The following PTK6 variants were observed in gnomAD, a reference collection of about 807,000 sequenced individuals.
The protein encoded by PTK6 is protein tyrosine kinase 6.
A neutral mutation model predicts 47.5 loss-of-function variants in PTK6; 47 were observed. The observed-to-expected ratio is 0.99, with a 90% confidence interval of 0.78 to 1.26. The LOEUF (loss-of-function observed/expected upper bound fraction) is 1.26. Ranked by LOEUF, PTK6 falls within the 50% of genes most tolerant of loss-of-function variation. The pLI is 0.00. For missense variants in PTK6, 618 were observed against 625.3 expected, an observed-to-expected ratio of 0.99 and a Z score of 0.12; for synonymous variants, 287 against 276.5, an observed-to-expected ratio of 1.04 and a Z score of -0.38.
chr20:63,530,598 G>T lies in PTK6; in HGVS notation c.1014+148C>A. 1.9e-6 allele frequency: 2 copies of T among 1,028,470 alleles called. No individual in the cohort carries two copies. The highest frequency in any genetic ancestry group is 3.1e-4 in the Middle Eastern group (1 of 3,244). The allele number at this position is 1,028,470 out of a possible 1,614,324, so 63.7% of individuals were successfully genotyped here. ...TGGGGGCCCCACCGGACTCACGGTG[G>T]CTTCCCACCTCCCTGCCCAGCCTGG... On this transcript the variant is annotated intron_variant, in intron 6 of 7. Coordinates refer to ENST00000542869, the MANE Select transcript of PTK6 (RefSeq NM_005975.4). This position sits in a 1 kb window ranked among gnomAD's most constrained non-coding sequence, Gnocchi z 4.1.
chr20:63,535,017 CCGA>C lies in PTK6; in HGVS notation c.270_272del (p.Arg91del). 1 of 1,608,556 alleles carries C rather than the reference CCGA, an allele frequency of 6.2e-7. No homozygotes were observed. The highest frequency in any genetic ancestry group is 1.1e-5 in the South Asian group (1 of 90,806). The stretch of plus-strand genomic sequence containing the variant: ...CCGTGGCGTTGCCCTCGGCCTGCAG[CCGA>C]CGCACAGCTTCCGAGCGGGAGATGC... On this transcript the variant is annotated inframe_deletion, in exon 2 of 8. Coordinates refer to ENST00000542869, the MANE Select transcript of PTK6 (RefSeq NM_005975.4).
At position 63,530,718 on chromosome 20, in the gene PTK6, C is replaced by A. The variant is rs1333565744; in HGVS notation, c.1014+28G>T. On this transcript the variant is annotated intron_variant, in intron 6 of 7. Coordinates refer to ENST00000542869, the MANE Select transcript of PTK6 (RefSeq NM_005975.4). The surrounding 1 kb of genome is among the most constrained non-coding windows in gnomAD (Gnocchi z 4.1). ...CCCTCCGGCCACGCCCCGGCCACGA[C>A]CCCAGCCACGCCCTCTGAGGGCCCT... is the stretch of plus-strand genomic sequence containing the variant. 2 of 1,610,178 alleles carry A rather than the reference C, an allele frequency of 1.2e-6. No homozygotes were observed. Among genetic ancestry groups the A allele is most frequent in the Non-Finnish European group, 1.7e-6 (2 of 1,178,556 alleles).
At chr20:63,532,393 G>C (rs2082631420) in intron 5 of PTK6, 133 bp downstream of exon 5, 8 of 1,172,116 alleles carry the variant, frequency 6.8e-6, no homozygotes, top group Non-Finnish European at 9.5e-6. Context: ...GTCTGTGTCT[G>C]TGTGTGCATG....
intron 1 of PTK6, among the ~76,000 whole-genome samples, chr20:63,535,538 C>T (rs1044875388): frequency 6.6e-6 from 1 of 152,082 alleles, no homozygotes; most frequent in Non-Finnish European, 1.5e-5. Flanking sequence ...CGCACTAACT[C>T]CCGGCTGCGG....
In PTK6 at chr20:63,528,526, C is replaced by T. The variant is rs1033207240; in HGVS notation, c.*1010G>A. 4 of 151,780 alleles carry T rather than the reference C, an allele frequency of 2.6e-5. No homozygotes were observed. Among genetic ancestry groups the T allele is most frequent in the Non-Finnish European group, 5.9e-5 (4 of 67,988 alleles). 9.4% of individuals were successfully genotyped at this position (151,780 alleles called of 1,614,324 possible). ...GGTTCACACCAGTCTGCTGCCTCAGCCTCCCACGTAGCTGGGACTACAGGC... is the reference window on the plus strand; with the variant it reads ...GGTTCACACCAGTCTGCTGCCTCAGTCTCCCACGTAGCTGGGACTACAGGC... On this transcript the variant is annotated 3_prime_UTR_variant, in exon 8 of 8. Coordinates refer to ENST00000542869, the MANE Select transcript of PTK6 (RefSeq NM_005975.4).
chr20:63,534,920 C>G lies in PTK6; in HGVS notation c.352+18G>C. 1.3e-6 allele frequency: 2 copies of G among 1,582,570 alleles called. No individual in the cohort carries two copies. Among genetic ancestry groups the G allele is most frequent in the Admixed American group, 1.7e-5 (1 of 58,538 alleles). On this transcript the variant is annotated intron_variant, in intron 2 of 7. Coordinates refer to ENST00000542869, the MANE Select transcript of PTK6 (RefSeq NM_005975.4). ...GAGCCCCCGCAGGCAAGCACAGGCTCGGAGGCCGGGGCCGCACCCGACAGG... is the reference window on the plus strand; with the variant it reads ...GAGCCCCCGCAGGCAAGCACAGGCTGGGAGGCCGGGGCCGCACCCGACAGG...
At position 63,529,653 on chromosome 20, in the gene PTK6, C is replaced by G; in HGVS notation, c.1239G>C (p.Pro413=). ...TCAGCATCAGCTTGTGCACGCTGGG[C>G]GGGCACTCCAGAGGGCAGGGCATGC... ...GYRMPCPLEC[P]PSVHKLMLTC... Residue 413 remains proline (P), a synonymous_variant, in exon 8 of 8, where the codon CCG becomes CCC. Coordinates refer to ENST00000542869, the MANE Select transcript of PTK6 (RefSeq NM_005975.4). The surrounding 1 kb of genome is among the most constrained non-coding windows in gnomAD (Gnocchi z 5.6). 1 of 1,547,398 alleles carries G rather than the reference C, an allele frequency of 6.5e-7. No homozygotes were observed. The highest frequency in any genetic ancestry group is 8.7e-7 in the Non-Finnish European group (1 of 1,146,156).
At chr20:63,532,091 TAGAG>T (rs775274285) in intron 5 of PTK6, among the ~76,000 whole-genome samples, 10 of 152,132 alleles carry the variant, frequency 6.6e-5, no homozygotes, top group Middle Eastern at 3.2e-3. Context: ...TAATGGAACT[TAGAG>T]AGGATGAAGT....
In PTK6 at chr20:63,537,330, C is replaced by T. The variant is rs769302237; in HGVS notation, c.-16G>A. On this transcript the variant is annotated 5_prime_UTR_variant, in exon 1 of 8. Transcript: ENST00000542869. ...GGGACACCATGGCGGGCGGGCGCAG[C>T]GGCAGGACCAGGCTGTGGCCCAGCT... The T allele has an allele frequency of 3.9e-5, 62 of 1,580,888 alleles. No homozygotes were observed. Among genetic ancestry groups the T allele is most frequent in the South Asian group, 5.6e-5 (5 of 89,182 alleles).
chr20:63,536,316 C>T (rs573142789), intron 1 of PTK6, among the ~76,000 whole-genome samples: 95 of 145,938 alleles, frequency 6.5e-4, no homozygotes, highest in Middle Eastern at 3.4e-3. Flanking sequence ...CGTGGGTCTG[C>T]GCGTGACCCT....
At chr20:63,532,820 C>T (rs73150446) in intron 4 of PTK6, 133 bp from the exon 5 acceptor site, 2 of 1,236,476 alleles carry the variant, frequency 1.6e-6, no homozygotes, top group Admixed American at 5.6e-5. Flanking sequence ...CCTCCTGCCC[C>T]CGACAGGGCA....
intron 1 of PTK6, among the ~76,000 whole-genome samples, chr20:63,536,850 C>T: frequency 6.6e-6 from 1 of 152,210 alleles, no homozygotes; most frequent in East Asian, 1.9e-4. Context: ...GGGGCCGTGC[C>T]CTCTGACCCC....
chr20:63,537,369 C>T lies in PTK6; in HGVS notation c.-55G>A. 6.9e-7 allele frequency: 1 copy of T among 1,454,756 alleles called. No individual in the cohort carries two copies. Among genetic ancestry groups the T allele is most frequent in the East Asian group, 2.4e-5 (1 of 41,260 alleles). 90.1% of individuals were successfully genotyped at this position (1,454,756 alleles called of 1,614,324 possible). On this transcript the variant is annotated 5_prime_UTR_variant, in exon 1 of 8. Coordinates refer to ENST00000542869, the MANE Select transcript of PTK6 (RefSeq NM_005975.4). ...TGTGGCCCAGCTGGAGCACCCAGAG[C>T]TGGGCGTGGCAGGCGGGCCGTCCCA...
Position 63,529,859 on chromosome 20 carries a change from A to G in PTK6, c.1169-136T>C, listed in dbSNP as rs1169655604. 2.7e-6 allele frequency: 3 copies of G among 1,129,788 alleles called. No homozygotes were observed. The African/African-American group carries it at 4.8e-5, about 18-fold the overall frequency. The allele number at this position is 1,129,788 out of a possible 1,614,324, so 70.0% of individuals were successfully genotyped here. ...GCCATGCCTTGGCGCCACCCAGCAC[A>G]CTGTCCACTGCTAACACCTCCCTCT... On this transcript the variant is annotated intron_variant, in intron 7 of 7. Transcript: ENST00000542869. The surrounding 1 kb of genome is among the most constrained non-coding windows in gnomAD (Gnocchi z 5.6).
At chr20:63,536,218 G>A (rs905962138) in intron 1 of PTK6, among the ~76,000 whole-genome samples, 2 of 102,796 alleles carry the variant, frequency 1.9e-5, no homozygotes, top group Non-Finnish European at 3.9e-5. Context: ...TCACCTGGGC[G>A]AGTTCTCAGG....
Position 63,529,856 on chromosome 20 carries a change from C to G in PTK6, c.1169-133G>C. 8.8e-7 allele frequency: 1 copy of G among 1,136,274 alleles called. No homozygotes were observed. The highest frequency in any genetic ancestry group is 1.2e-6 in the Non-Finnish European group (1 of 817,430). 70.4% of individuals were successfully genotyped at this position (1,136,274 alleles called of 1,614,324 possible). A position where few individuals can be genotyped will look rare whatever the true frequency, so the allele number is the denominator to read the frequency against. Reference sequence around the variant, plus strand: ...GCTGCCATGCCTTGGCGCCACCCAGCACACTGTCCACTGCTAACACCTCCC... The same window carrying G: ...GCTGCCATGCCTTGGCGCCACCCAGGACACTGTCCACTGCTAACACCTCCC... On this transcript the variant is annotated intron_variant, in intron 7 of 7. Coordinates refer to ENST00000542869, the MANE Select transcript of PTK6 (RefSeq NM_005975.4). This position sits in a 1 kb window ranked among gnomAD's most constrained non-coding sequence, Gnocchi z 5.6.
At chr20:63,534,640 C>A (rs886931979) in intron 2 of PTK6, among the ~76,000 whole-genome samples, 1 of 152,184 alleles carries the variant, frequency 6.6e-6, no homozygotes. Flanking sequence ...AGGCTCAGGT[C>A]TCATGCTGGG....
chr20:63,534,113 G>C, intron 3 of PTK6, 39 bp downstream of exon 3: 1 of 1,501,060 alleles, frequency 6.7e-7, no homozygotes, highest in Non-Finnish European at 8.9e-7. Context: ...TGACCCCCCA[G>C]CCTGACCCCG....
chr20:63,536,662 G>A (rs935980428), intron 1 of PTK6, among the ~76,000 whole-genome samples: 22 of 152,094 alleles, frequency 1.4e-4, no homozygotes, highest in African/African-American at 1.2e-4. Flanking sequence ...GTCTGGTTCC[G>A]GCACTTTGGA....
Sources: allele counts gnomAD v4.1 joint callset (sites outside exome capture counted in the v4.1 genomes callset), GRCh38; gene constraint gnomAD v4.1.1; non-coding constraint Gnocchi (gnomAD v3.1); transcripts MANE v1.5; gene names NCBI Gene and HGNC (gene_info 2026-07-23, HGNC 2026-07-21).